SLC9A7: variants seen among roughly 807,000 people sequenced by gnomAD.
The protein encoded by SLC9A7 is sodium/hydrogen exchanger 7.
A neutral mutation model predicts 52.6 loss-of-function variants in SLC9A7; 19 were observed. The observed-to-expected ratio is 0.36, with a 90% CI of 0.25 to 0.53. The LOEUF (loss-of-function observed/expected upper bound fraction) is 0.53. SLC9A7 is among the 20% of genes least tolerant of loss of function. The pLI, the probability that SLC9A7 is intolerant of heterozygous loss-of-function variation, is 0.91. For synonymous variants in SLC9A7, 226 were observed against 252.1 expected (o/e 0.90, Z 0.98); for missense variants, 455 against 597.9 (o/e 0.76, Z 2.49).
intron 12 of SLC9A7, among the ~76,000 whole-genome samples, chrX:46,642,004 C>A (rs1163663762): frequency 8.9e-6 from 1 of 112,493 alleles, no homozygotes; most frequent in African/African-American, 3.2e-5. Context: ...TGCAGACCCA[C>A]CTGGATCTCA....
chrX:46,613,357 G>C lies in SLC9A7; in HGVS notation c.1861C>G (p.Leu621Val). ...KPILTHSGPP[L>V]TTTLPAWCGL... Reference sequence around the variant, plus strand: ...CACCAGGCGGGGAGCGTGGTGGTTAGTGGGGGACCACTGTGTGTGAGGATG... The same window carrying C: ...CACCAGGCGGGGAGCGTGGTGGTTACTGGGGGACCACTGTGTGTGAGGATG... Residue 621 changes from leucine (L) to valine (V), a missense_variant, in exon 16 of 17, where the codon CTA (leucine) becomes GTA (valine). Leu to Val is a conservative substitution (Grantham distance 32). Transcript: ENST00000616978. 8.3e-7 allele frequency: 1 copy of C among 1,206,666 alleles called. No individual in the cohort carries two copies. Among genetic ancestry groups the C allele is most frequent in the Non-Finnish European group, 1.1e-6 (1 of 892,484 alleles).
chrX:46,713,316 A>T (rs1366236627), intron 1 of SLC9A7, among the ~76,000 whole-genome samples: 3 of 109,247 alleles, frequency 2.7e-5, no homozygotes, highest in African/African-American at 1.0e-4. Context: ...CCTGGCCAAC[A>T]TGGTGAAACC....
intron 1 of SLC9A7, among the ~76,000 whole-genome samples, chrX:46,754,353 C>A (rs1922474425): frequency 9.0e-6 from 1 of 111,601 alleles, no homozygotes; most frequent in Non-Finnish European, 1.9e-5. Flanking sequence ...CAATGCTATA[C>A]AGTTTTATAA....
intron 7 of SLC9A7, among the ~76,000 whole-genome samples, chrX:46,659,020 C>T (rs1218976776): frequency 9.0e-6 from 1 of 110,929 alleles, no homozygotes; most frequent in African/African-American, 3.3e-5. Flanking sequence ...AAAAGCTTAT[C>T]CACCATGATC....
Position 46,643,387 on chromosome X carries a change from G to C in SLC9A7, c.1465C>G (p.Leu489Val). 1 of 1,203,356 alleles carries C rather than the reference G, an allele frequency of 8.3e-7. No individual in the cohort carries two copies. The highest frequency in any genetic ancestry group is 2.2e-5 in the Admixed American group (1 of 45,808). Reference protein sequence around the residue: ...NFQHMMMFSGLRGAMAFALAI... With the variant: ...NFQHMMMFSGVRGAMAFALAI... The stretch of plus-strand genomic sequence containing the variant: ...AACGCAAATGCCATTGCTCCCCTGA[G>C]GCCTGCGGGGACCAAAGAAGAAGAT... Residue 489 changes from leucine to valine, a missense_variant and splice_region_variant, in exon 12 of 17, where the codon CTC becomes GTC. Leu to Val is a conservative substitution (Grantham distance 32). This residue lies in a region of SLC9A7 where 304 missense variants were observed against 417.8 expected (regional missense o/e 0.73). Transcript: ENST00000616978.
intron 7 of SLC9A7, among the ~76,000 whole-genome samples, chrX:46,655,644 G>C (rs1392647935): frequency 8.9e-6 from 1 of 112,246 alleles, no homozygotes; most frequent in African/African-American, 3.2e-5. Context: ...ACTCCCACCC[G>C]AATACTGCGC....
intron 3 of SLC9A7, among the ~76,000 whole-genome samples, chrX:46,677,993 T>C (rs1338450098): frequency 8.9e-6 from 1 of 112,113 alleles, no homozygotes; most frequent in East Asian, 2.8e-4. Context: ...TTTTGAGTTG[T>C]TTTTCACGGC....
intron 15 of SLC9A7, among the ~76,000 whole-genome samples, chrX:46,615,694 A>G (rs1228319329): frequency 1.8e-5 from 2 of 109,701 alleles, no homozygotes; most frequent in Admixed American, 2.0e-4. Flanking sequence ...TAAGCTATAT[A>G]TATGTTTTTA....
At position 46,662,135 on chromosome X, in the gene SLC9A7, C is replaced by T; in HGVS notation, c.922G>A (p.Ala308Thr). 3.3e-6 allele frequency: 4 copies of T among 1,208,903 alleles called. No individual in the cohort carries two copies. The South Asian group carries it at 7.1e-5, about 21-fold the overall frequency. The change falls in exon 7 of 17, where the codon GCG becomes ACG. Residue 308 changes from alanine to threonine, a missense_variant. Ala to Thr is a moderately conservative substitution (Grantham distance 58). Coordinates refer to ENST00000616978, the MANE Select transcript of SLC9A7 (RefSeq NM_001257291.2). The stretch of plus-strand genomic sequence containing the variant: ...TCAAAGGCGTGAGTGTTCAGTCCCG[C>T]TGGCTGGTAGGCAACAATAGACCTA... ...LSSSIVAYQP[A>T]GLNTHAFDAA...
chrX:46,727,957 T>C (rs1944971135), intron 1 of SLC9A7, among the ~76,000 whole-genome samples: 1 of 112,188 alleles, frequency 8.9e-6, no homozygotes, highest in African/African-American at 3.2e-5. Flanking sequence ...GTACCATTTG[T>C]ATTTATTAAG....
intron 1 of SLC9A7, among the ~76,000 whole-genome samples, chrX:46,738,075 GA>G: frequency 1.4e-5 from 1 of 71,708 alleles, no homozygotes; most frequent in South Asian, 6.0e-4. Context: ...AAGAAAGAAA[GA>G]AAGAAAGAAA....
At chrX:46,690,241 T>A (rs1944362676) in intron 1 of SLC9A7, among the ~76,000 whole-genome samples, 1 of 112,266 alleles carries the variant, frequency 8.9e-6, no homozygotes, top group Non-Finnish European at 1.9e-5. Flanking sequence ...TCATCCACAT[T>A]TGGTATTGCC....
chrX:46,669,204 T>G (rs1943978779), intron 5 of SLC9A7, among the ~76,000 whole-genome samples: 2 of 109,328 alleles, frequency 1.8e-5, no homozygotes, highest in African/African-American at 6.7e-5. Context: ...GATAGTAAAT[T>G]TTATGTCAGG....
Position 46,606,454 on chromosome X carries a change from T to C in SLC9A7, c.*498A>G. 1 of 757,169 alleles carries C rather than the reference T, an allele frequency of 1.3e-6. No individual in the cohort carries two copies. Among genetic ancestry groups the C allele is most frequent in the Non-Finnish European group, 1.6e-6 (1 of 641,202 alleles). 62.4% of individuals were successfully genotyped at this position (757,169 alleles called of 1,213,427 possible). Reference sequence around the variant, plus strand: ...AGACTTCGTTGCCAGAGCCTCCAAATTGCTTTTTCATGTTTTCTGTCCCAT... The same window carrying C: ...AGACTTCGTTGCCAGAGCCTCCAAACTGCTTTTTCATGTTTTCTGTCCCAT... On this transcript the variant is annotated 3_prime_UTR_variant, in exon 17 of 17. Transcript: ENST00000616978.
chrX:46,708,463 G>C lies in SLC9A7; in HGVS notation c.326-25928C>G, dbSNP rs142286514. Among the ~76,000 whole-genome samples, 223 of 110,553 alleles carry C rather than the reference G, an allele frequency of 2.0e-3. 3 individuals carry two copies. In the East Asian group the frequency reaches 0.057, roughly 28 times the overall value. ...GAGAATTGCTTGAACCCAGGAGGCA[G>C]AGGTTGTAGTGAGACGAGATCGCAC... On this transcript the variant is annotated intron_variant, in intron 1 of 16. Transcript: ENST00000616978.
At chrX:46,629,979 C>T (rs1602150908) in intron 14 of SLC9A7, among the ~76,000 whole-genome samples, 1 of 111,788 alleles carries the variant, frequency 8.9e-6, no homozygotes, top group East Asian at 2.8e-4. Context: ...GACATAATGG[C>T]CAATTCTAAG....
At chrX:46,723,778 T>C (rs1944900139) in intron 1 of SLC9A7, among the ~76,000 whole-genome samples, 1 of 112,060 alleles carries the variant, frequency 8.9e-6, no homozygotes, top group African/African-American at 3.2e-5. Context: ...GTGTGAGTGT[T>C]CTGACTCAGT....
rs1944041354 is a variant in SLC9A7, at chrX:46,672,537, A to C, written c.680+14T>G. The stretch of plus-strand genomic sequence containing the variant: ...ACGTGTGTTAATTTGGTTATATGAC[A>C]AAGGTTCACTTACCCAATAATGAAG... On this transcript the variant is annotated intron_variant, in intron 4 of 16. Coordinates refer to ENST00000616978, the MANE Select transcript of SLC9A7 (RefSeq NM_001257291.2). 1 of 1,183,367 alleles carries C rather than the reference A, an allele frequency of 8.5e-7. No individual in the cohort carries two copies. The highest frequency in any genetic ancestry group is 3.0e-5 in the East Asian group (1 of 33,744).
intron 13 of SLC9A7, among the ~76,000 whole-genome samples, chrX:46,634,341 T>C (rs1943283413): frequency 8.9e-6 from 1 of 111,754 alleles, no homozygotes; most frequent in African/African-American, 3.3e-5. Flanking sequence ...ATGATATTGA[T>C]AATATCATTG....
Sources: allele counts gnomAD v4.1 joint callset (sites outside exome capture counted in the v4.1 genomes callset), GRCh38; gene constraint gnomAD v4.1.1; regional missense constraint gnomAD v4.1.1; transcripts MANE v1.5; gene names NCBI Gene and HGNC (gene_info 2026-07-23, HGNC 2026-07-21).